The following PLEKHG1 variants were observed in gnomAD, a reference collection of about 807,000 sequenced individuals.
The protein encoded by PLEKHG1 is pleckstrin homology and RhoGEF domain containing G1.
In PLEKHG1, 44 loss-of-function variants were observed where a neutral mutation model predicts 100.8. The ratio of observed to expected loss-of-function variants is 0.44; its 90% CI spans 0.34 to 0.56. The LOEUF (loss-of-function observed/expected upper bound fraction) is 0.56. PLEKHG1 is among the 20% of genes least tolerant of loss of function. PLEKHG1 has a pLI of 0.01. For synonymous variants in PLEKHG1, 640 were observed against 662.5 expected (o/e 0.97, Z 0.52); for missense variants, 1,545 against 1,720.9 (o/e 0.90, Z 1.81).
chr6:150,667,016 C>T (rs1779413667), intron 3 of PLEKHG1, among the ~76,000 whole-genome samples: 1 of 152,200 alleles, frequency 6.6e-6, no homozygotes, highest in Non-Finnish European at 1.5e-5. Flanking sequence ...ACTCGGCCTC[C>T]CAAAGTGCTG....
At chr6:150,814,061 A>G (rs946674084) in intron 10 of PLEKHG1, among the ~76,000 whole-genome samples, 3 of 152,142 alleles carry the variant, frequency 2.0e-5, no homozygotes, top group Admixed American at 1.3e-4. Flanking sequence ...TCCTCAGGAA[A>G]TGAATGTGCA....
chr6:150,658,289 G>A lies in PLEKHG1; in HGVS notation c.-99+7503G>A, dbSNP rs1205534068. Among the ~76,000 whole-genome samples, 2 of 152,158 alleles carry A rather than the reference G, an allele frequency of 1.3e-5. 1 individual carries two copies. Among genetic ancestry groups the A allele is most frequent in the Non-Finnish European group, 2.9e-5 (2 of 68,008 alleles). ...TTTTAGAGTTAAGTAGGGTATTAAA[G>A]CAATCATTGTGTTTTAAAATAGAAA... is the stretch of plus-strand genomic sequence containing the variant. On this transcript the variant is annotated intron_variant, in intron 3 of 3. Coordinates refer to the PLEKHG1 transcript ENST00000367326.
At chr6:150,709,378 G>C (rs1025609267) in intron 3 of PLEKHG1, among the ~76,000 whole-genome samples, 2 of 152,108 alleles carry the variant, frequency 1.3e-5, no homozygotes, top group African/African-American at 4.8e-5. Context: ...GCATTTTCCT[G>C]CACAAAGGCC....
intron 3 of PLEKHG1, among the ~76,000 whole-genome samples, chr6:150,686,552 A>C (rs1780137490): frequency 6.6e-6 from 1 of 152,174 alleles, no homozygotes; most frequent in African/African-American, 2.4e-5. Flanking sequence ...GAGAATGATC[A>C]CTCATATAAA....
At chr6:150,750,493 C>A (rs990060965) in intron 2 of PLEKHG1, among the ~76,000 whole-genome samples, 1 of 152,156 alleles carries the variant, frequency 6.6e-6, no homozygotes, top group African/African-American at 2.4e-5. Context: ...ATAAAGCAAA[C>A]AAACTTTTAA....
intron 1 of PLEKHG1, among the ~76,000 whole-genome samples, chr6:150,635,905 T>G (rs1017234864): frequency 6.6e-6 from 1 of 152,192 alleles, no homozygotes; most frequent in Non-Finnish European, 1.5e-5. Flanking sequence ...TAATGGGTGT[T>G]GATTATATGC....
chr6:150,770,824 G>T (rs1332249931), intron 3 of PLEKHG1, among the ~76,000 whole-genome samples: 1 of 152,224 alleles, frequency 6.6e-6, no homozygotes, highest in Non-Finnish European at 1.5e-5. Flanking sequence ...AAAGAGGCAA[G>T]AGGGCTAGAT....
intron 12 of PLEKHG1, 118 bp downstream of exon 13, chr6:150,819,892 T>A (rs1185823401): frequency 1.4e-6 from 1 of 700,334 alleles, no homozygotes; most frequent in Non-Finnish European, 2.6e-6. Flanking sequence ...CCGGTCTGAA[T>A]ACATTTGCGG....
At chr6:150,682,504 G>A (rs1013915012) in intron 3 of PLEKHG1, among the ~76,000 whole-genome samples, 5 of 152,004 alleles carry the variant, frequency 3.3e-5, no homozygotes, top group African/African-American at 1.2e-4. Context: ...ACCCGGCCAG[G>A]TTCTGCCCAG....
At chr6:150,697,973 T>C (rs1162404763) in intron 3 of PLEKHG1, among the ~76,000 whole-genome samples, 2 of 152,144 alleles carry the variant, frequency 1.3e-5, no homozygotes, top group East Asian at 3.9e-4. Context: ...TTTTAAAGAA[T>C]GTTATGGATA....
chr6:150,635,338 T>C (rs1368647947), intron 1 of PLEKHG1, among the ~76,000 whole-genome samples: 2 of 152,184 alleles, frequency 1.3e-5, no homozygotes, highest in Non-Finnish European at 2.9e-5. Flanking sequence ...TGAATGGGAA[T>C]CTTAATAGTC....
chr6:150,639,042 TC>T (rs1162469608), intron 2 of PLEKHG1, among the ~76,000 whole-genome samples: 1 of 152,230 alleles, frequency 6.6e-6, no homozygotes, highest in East Asian at 1.9e-4. Context: ...AAAGCCCATT[TC>T]TTTTGGGAAG....
chr6:150,689,710 C>A (rs1455105414), intron 3 of PLEKHG1, among the ~76,000 whole-genome samples: 1 of 152,070 alleles, frequency 6.6e-6, no homozygotes, highest in Non-Finnish European at 1.5e-5. Context: ...AAAAGATTAG[C>A]CGTGCATGGT....
At position 150,674,628 on chromosome 6, in the gene PLEKHG1, C is replaced by CTCTCTCTCT. The variant is rs1554258825; in HGVS notation, c.-99+23842_-99+23843insTCTCTCTCT. 1.3e-3 allele frequency among the ~76,000 whole-genome samples: 68 copies of CTCTCTCTCT among 51,838 alleles called. 7 individuals are homozygous for CTCTCTCTCT. The highest frequency in any genetic ancestry group is 6.9e-3 in the South Asian group (10 of 1,454). 34.0% of individuals were successfully genotyped at this position (51,838 alleles called of 152,430 possible). A position where few individuals can be genotyped will look rare whatever the true frequency, so the allele number is the denominator to read the frequency against. Reference sequence around the variant, plus strand: ...ATTACACCTGTAACTTTCTCTCTCTCCTCCCTCTCTCTCTCTCTCTCTCTC... The same window carrying CTCTCTCTCT: ...ATTACACCTGTAACTTTCTCTCTCTCTCTCTCTCTCTCCCTCTCTCTCTCTCTCTCTCTC... On this transcript the variant is annotated intron_variant, in intron 3 of 3. Coordinates refer to the PLEKHG1 transcript ENST00000367326.
chr6:150,755,793 C>G (rs562421252), intron 2 of PLEKHG1, among the ~76,000 whole-genome samples: 12 of 152,250 alleles, frequency 7.9e-5, no homozygotes, highest in Admixed American at 2.6e-4. Context: ...CATGTTGCAT[C>G]CGGCAGTGCC....
At chr6:150,839,687 A>G in intron 15 of PLEKHG1, 146 bp from the exon 17 acceptor site, 1 of 599,276 alleles carries the variant, frequency 1.7e-6, no homozygotes, top group Non-Finnish European at 3.0e-6. Flanking sequence ...TCAGAGTTCA[A>G]AGATTACTCA....
At chr6:150,748,547 G>A (rs1783296241) in intron 2 of PLEKHG1, among the ~76,000 whole-genome samples, 1 of 151,790 alleles carries the variant, frequency 6.6e-6, no homozygotes, top group Non-Finnish European at 1.5e-5. Context: ...CAAGGAAATG[G>A]AGATCCAGAG....
intron 3 of PLEKHG1, among the ~76,000 whole-genome samples, chr6:150,680,050 G>A (rs1175827567): frequency 6.6e-6 from 1 of 152,204 alleles, no homozygotes; most frequent in Non-Finnish European, 1.5e-5. Context: ...CATACAGGTT[G>A]TGATCCTTAT....
chr6:150,665,895 G>A (rs893091898), intron 3 of PLEKHG1, among the ~76,000 whole-genome samples: 1 of 152,084 alleles, frequency 6.6e-6, no homozygotes, highest in African/African-American at 2.4e-5. Context: ...GGAAGGCACA[G>A]TTAAGGCTAA....
Sources: gnomAD v4.1 joint callset for allele counts (sites outside exome capture counted in the v4.1 genomes callset) on GRCh38, gnomAD v4.1.1 for gene constraint, MANE v1.5 for transcripts, NCBI Gene and HGNC (gene_info 2026-07-23, HGNC 2026-07-21) for gene names.